The following DENND4A variants were observed in gnomAD, a reference collection of about 807,000 sequenced individuals.
DENND4A encodes DENN domain containing 4A, also known as C-myc promoter-binding protein.
In DENND4A, 70 loss-of-function variants were observed where a neutral mutation model predicts 199.3. That is an observed-to-expected ratio of 0.35 (90% CI 0.29 to 0.43). The LOEUF (loss-of-function observed/expected upper bound fraction) is 0.43. Among genes scored for constraint, DENND4A ranks in the 20% least tolerant of loss-of-function variants. The probability of loss-of-function intolerance (pLI) is 1.00; values close to 1 mark genes in which losing one functional copy is unlikely to be tolerated. For missense variants in DENND4A, 1,723 were observed against 2,255.8 expected, an observed-to-expected ratio of 0.76 and a Z score of 4.78; for synonymous variants, 686 against 766.9, an observed-to-expected ratio of 0.89 and a Z score of 1.74.
chr15:65,749,003 A>C (rs1314181464), intron 4 of DENND4A, among the ~76,000 whole-genome samples: 1 of 151,858 alleles, frequency 6.6e-6, no homozygotes, highest in East Asian at 1.9e-4. Context: ...TAAAAAAAAA[A>C]AAACAAAAAG....
intron 2 of DENND4A, among the ~76,000 whole-genome samples, chr15:65,759,498 T>A (rs746235326): frequency 1.2e-4 from 18 of 151,480 alleles, no homozygotes; most frequent in Non-Finnish European, 2.5e-4. Flanking sequence ...GGAAAAAAAA[T>A]GGGACTAAAG....
At chr15:65,687,073 T>C (rs1415156077) in intron 23 of DENND4A, among the ~76,000 whole-genome samples, 4 of 152,176 alleles carry the variant, frequency 2.6e-5, no homozygotes, top group Admixed American at 2.6e-4. Flanking sequence ...ATCTAGTCTA[T>C]TTCTCTGTTC....
chr15:65,697,170 A>G, intron 21 of DENND4A, 97 bp downstream of exon 21: 2 of 744,120 alleles, frequency 2.7e-6, no homozygotes, highest in East Asian at 5.4e-5. Flanking sequence ...TATAATGGAA[A>G]AATGGAAAGT....
In DENND4A at chr15:65,776,087, A is replaced by G. The variant is rs2077276974; in HGVS notation, c.-101-14649T>C. ...AGAGTATCTTGTACATATCTCTACT[A>G]TGATTATCCCATTAATATTCCAATT... On this transcript the variant is annotated intron_variant, in intron 1 of 32. Transcript: ENST00000443035. Among the ~76,000 whole-genome samples, 3 of 152,170 alleles carry G rather than the reference A, an allele frequency of 2.0e-5. No individual in the cohort carries two copies. The South Asian group carries it at 6.2e-4, about 32-fold the overall frequency.
chr15:65,740,298 GA>G (rs1284724821), intron 5 of DENND4A, among the ~76,000 whole-genome samples: 2 of 147,682 alleles, frequency 1.4e-5, no homozygotes, highest in East Asian at 2.0e-4. Context: ...AAAAAAGAAA[GA>G]AAAAAAAAGA....
chr15:65,765,423 G>A (rs1158929452), intron 1 of DENND4A, among the ~76,000 whole-genome samples: 1 of 152,096 alleles, frequency 6.6e-6, no homozygotes, highest in Non-Finnish European at 1.5e-5. Context: ...ATTTTTAATT[G>A]AAACTTTTAG....
chr15:65,713,763 C>G (rs2075312989), intron 14 of DENND4A, among the ~76,000 whole-genome samples: 1 of 152,184 alleles, frequency 6.6e-6, no homozygotes, highest in Non-Finnish European at 1.5e-5. Context: ...TTTTCTAGCA[C>G]AAGATACTTT....
At chr15:65,709,496 G>A (rs754833256) in intron 14 of DENND4A, among the ~76,000 whole-genome samples, 5 of 151,388 alleles carry the variant, frequency 3.3e-5, no homozygotes, top group Non-Finnish European at 5.9e-5. Flanking sequence ...ACCTGAGGTC[G>A]GGAGTTTGAG....
chr15:65,703,886 T>C (rs1414007613), intron 15 of DENND4A, among the ~76,000 whole-genome samples: 1 of 152,180 alleles, frequency 6.6e-6, no homozygotes, highest in African/African-American at 2.4e-5. Context: ...GAAAAAGATA[T>C]GCTGAAAGAA....
intron 7 of DENND4A, among the ~76,000 whole-genome samples, chr15:65,734,372 CT>C (rs2076050610): frequency 6.6e-6 from 1 of 152,150 alleles, no homozygotes; most frequent in South Asian, 2.1e-4. Flanking sequence ...ACGTGTTTGT[CT>C]GCTGACCCTC....
At chr15:65,785,565 A>T (rs1398853291) in intron 1 of DENND4A, among the ~76,000 whole-genome samples, 1 of 151,540 alleles carries the variant, frequency 6.6e-6, no homozygotes, top group Non-Finnish European at 1.5e-5. Flanking sequence ...TTTATTTTTG[A>T]AAAGTTTTAA....
chr15:65,754,278 G>A (rs184583801), intron 3 of DENND4A, among the ~76,000 whole-genome samples: 19 of 152,150 alleles, frequency 1.2e-4, no homozygotes, highest in African/African-American at 4.6e-4. Context: ...GTTAGCTTAA[G>A]TGCTTATTCT....
At position 65,669,921 on chromosome 15, in the gene DENND4A, A is replaced by C; in HGVS notation, c.4645T>G (p.Phe1549Val). 1 of 1,613,810 alleles carries C rather than the reference A, an allele frequency of 6.2e-7. No individual in the cohort carries two copies. Among genetic ancestry groups the C allele is most frequent in the Non-Finnish European group, 8.5e-7 (1 of 1,179,752 alleles). The change falls in exon 27 of 33, where the codon TTT (phenylalanine) becomes GTT (valine). Residue 1549 changes from phenylalanine to valine, a missense_variant. This residue lies in a region of DENND4A where 141 missense variants were observed against 170.7 expected (regional missense o/e 0.83). Transcript: ENST00000443035. ...IRDLRRPGRY[F>V]LKSSPSTENM... ...TCTGTTGATGGGCTTGACTTTAGAA[A>C]GTATCTGTAATGTGAATCGAAGGAA... is the stretch of plus-strand genomic sequence containing the variant.
chr15:65,754,077 A>G (rs1197596848), intron 3 of DENND4A: 1 of 151,670 alleles, frequency 6.6e-6, no homozygotes, highest in Non-Finnish European at 1.5e-5. Flanking sequence ...CAGTTGATCT[A>G]CCCACCTAGG....
Position 65,756,255 on chromosome 15 carries a change from T to C in DENND4A, c.196A>G (p.Ile66Val). ...GEEVPQDYIC[I>V]DVTPTGLSAD... ...GACAATCCAGTTGGGGTAACATCAA[T>C]ACAGATATAATCCTGTGGGACTTCC... is the stretch of plus-strand genomic sequence containing the variant. The change falls in exon 3 of 33, where the codon ATT (isoleucine) becomes GTT (valine). Residue 66 changes from isoleucine (I) to valine (V), a missense_variant. Coordinates refer to ENST00000443035, the MANE Select transcript of DENND4A (RefSeq NM_001320835.1). 1.9e-6 allele frequency: 3 copies of C among 1,612,954 alleles called. No individual in the cohort carries two copies. The East Asian group carries it at 6.7e-5, about 36-fold the overall frequency.
chr15:65,683,662 T>G (rs1250229327), intron 23 of DENND4A, among the ~76,000 whole-genome samples: 1 of 152,246 alleles, frequency 6.6e-6, no homozygotes, highest in Non-Finnish European at 1.5e-5. Context: ...CTTGATCTCT[T>G]ACTTATTCTT....
At chr15:65,783,615 G>A (rs1395296714) in intron 1 of DENND4A, among the ~76,000 whole-genome samples, 1 of 152,068 alleles carries the variant, frequency 6.6e-6, no homozygotes, top group African/African-American at 2.4e-5. Context: ...TGATTCTAGG[G>A]CTGGGGCAGG....
At chr15:65,714,109 A>G (rs2075322548) in intron 14 of DENND4A, among the ~76,000 whole-genome samples, 1 of 152,194 alleles carries the variant, frequency 6.6e-6, no homozygotes, top group Admixed American at 6.5e-5. Flanking sequence ...TCTTCTCTCA[A>G]TAAGAAACTT....
At position 65,660,010 on chromosome 15, in the gene DENND4A, G is replaced by A. The variant is rs892915685; in HGVS notation, c.*1841C>T. On this transcript the variant is annotated 3_prime_UTR_variant, in exon 33 of 33. Transcript: ENST00000443035. The stretch of plus-strand genomic sequence containing the variant: ...CCACAAATAGAAGAGAACCCCAGAC[G>A]GTTCTCTTGGAGGGATGTTTATCAC... 5.6e-5 allele frequency: 19 copies of A among 340,078 alleles called. No individual in the cohort carries two copies. The highest frequency in any genetic ancestry group is 3.4e-4 in the African/African-American group (16 of 47,310). 21.1% of individuals were successfully genotyped at this position (340,078 alleles called of 1,614,324 possible).
Sources: allele counts gnomAD v4.1 joint callset (sites outside exome capture counted in the v4.1 genomes callset), GRCh38; gene constraint gnomAD v4.1.1; regional missense constraint gnomAD v4.1.1; transcripts MANE v1.5; gene names NCBI Gene and HGNC (gene_info 2026-07-23, HGNC 2026-07-21).